Variants in OPN4 observed in about 807,000 individuals in gnomAD.
OPN4 encodes the protein opsin 4.
OPN4 carries 43 observed loss-of-function variants against 49.5 expected under a neutral mutation model. The ratio of observed to expected loss-of-function variants is 0.87; its 90% CI spans 0.68 to 1.12. The LOEUF is 1.12. OPN4 is among the 50% of genes most tolerant of loss of function. The probability of loss-of-function intolerance (pLI) is 0.00; values close to 1 mark genes in which losing one functional copy is unlikely to be tolerated. For missense variants in OPN4, 657 were observed against 643.9 expected (o/e 1.02, Z -0.22); for synonymous variants, 263 against 258.0 (o/e 1.02, Z -0.19).
At chr10:86,655,801 G>A (rs1255602500) in intron 1 of OPN4, among the ~76,000 whole-genome samples, 3 of 152,164 alleles carry the variant, frequency 2.0e-5, no homozygotes, top group African/African-American at 7.2e-5. Flanking sequence ...CTGCAGGCAG[G>A]GATGCACCCA....
In OPN4 at chr10:86,654,832, C is replaced by T. The variant is rs1438943945; in HGVS notation, c.49C>T (p.Pro17Ser). ...PRVPPSPTQE[P>S]SCMATPAPPS... ...AGTCCCGCCCAGCCCAACCCAAGAG[C>T]CCAGCTGCATGGCCACCCCAGCACC... Residue 17 changes from proline (P) to serine (S), a missense_variant, in exon 1 of 10, where the codon CCC becomes TCC. Transcript: ENST00000241891. The T allele has an allele frequency of 6.2e-7, 1 of 1,610,040 alleles. No individual in the cohort carries two copies. Among genetic ancestry groups the T allele is most frequent in the Non-Finnish European group, 8.5e-7 (1 of 1,176,566 alleles).
chr10:86,662,880 C>A (rs1254237226), intron 8 of OPN4, among the ~76,000 whole-genome samples: 1 of 152,240 alleles, frequency 6.6e-6, no homozygotes, highest in African/African-American at 2.4e-5. Context: ...GGGCATGGGC[C>A]CTGGAGATGG....
chr10:86,657,033 T>G (rs780174312), intron 2 of OPN4, among the ~76,000 whole-genome samples: 4 of 144,462 alleles, frequency 2.8e-5, no homozygotes, highest in Non-Finnish European at 6.1e-5. Context: ...CCAGTGTCCC[T>G]CTCCATCTGC....
At chr10:86,662,756 G>A (rs1342486263) in intron 8 of OPN4, among the ~76,000 whole-genome samples, 1 of 152,272 alleles carries the variant, frequency 6.6e-6, no homozygotes, top group African/African-American at 2.4e-5. Context: ...GAAGAGATCA[G>A]CACATCTGGC....
chr10:86,659,754 A>G, intron 5 of OPN4, 141 bp from the exon 6 acceptor site: 2 of 917,196 alleles, frequency 2.2e-6, no homozygotes, highest in South Asian at 3.4e-5. Flanking sequence ...TCTGGAAGTC[A>G]GGGCTGCCTG....
At chr10:86,657,070 C>G in intron 2 of OPN4, 1 of 656,348 alleles carries the variant, frequency 1.5e-6, no homozygotes, top group Non-Finnish European at 2.8e-6. Context: ...GTGGCTGAGA[C>G]AGGCAGGTGG....
At chr10:86,654,956 A>T (rs1162347861) in intron 1 of OPN4, 29 bp downstream of exon 1, 1 of 1,608,356 alleles carries the variant, frequency 6.2e-7, no homozygotes, top group Non-Finnish European at 8.5e-7. Context: ...GTGCATGCAC[A>T]GAGCCTTCCC....
In OPN4 at chr10:86,659,921, A is replaced by C. The variant is rs1305038658; in HGVS notation, c.827A>C (p.Lys276Thr). 6.2e-7 allele frequency: 1 copy of C among 1,614,186 alleles called. No homozygotes were observed. Among genetic ancestry groups the C allele is most frequent in the Admixed American group, 1.7e-5 (1 of 60,024 alleles). ...GCTCTCCAGACCTTCGGGGCCTGCA[A>C]GGGCAATGGCGAGTCCCTGTGGCAG... Reference protein sequence around the residue: ...GRALQTFGACKGNGESLWQRQ... With the variant: ...GRALQTFGACTGNGESLWQRQ... The change falls in exon 6 of 10, where the codon AAG (lysine) becomes ACG (threonine). Residue 276 changes from lysine (K) to threonine (T), a missense_variant. Transcript: ENST00000241891.
chr10:86,663,286 T>C (rs1844060173), intron 8 of OPN4, among the ~76,000 whole-genome samples: 1 of 152,212 alleles, frequency 6.6e-6, no homozygotes, highest in Non-Finnish European at 1.5e-5. Context: ...GTTGAGGGAC[T>C]GAGAGAGGAG....
intron 2 of OPN4, among the ~76,000 whole-genome samples, chr10:86,657,383 C>T (rs143001294): frequency 3.3e-5 from 5 of 152,214 alleles, no homozygotes; most frequent in Non-Finnish European, 5.9e-5. Flanking sequence ...TGACAGGAGC[C>T]GAGGCTGGTG....
Position 86,658,543 on chromosome 10 carries a change from ACGGCCAT to A in OPN4, c.487_493del (p.Ala163ProfsTer7). On this transcript the variant is annotated frameshift_variant, in exon 4 of 10. Coordinates refer to ENST00000241891, the MANE Select transcript of OPN4 (RefSeq NM_033282.4). LOFTEE classifies it high-confidence loss of function. Reference sequence around the variant, plus strand: ...TGGCATTTCCTCCATGATCACCCTGACGGCCATCGCCCTGGACCGCTACCTGGTAATC... The same window carrying A: ...TGGCATTTCCTCCATGATCACCCTGACGCCCTGGACCGCTACCTGGTAATC... 1 of 1,614,158 alleles carries A rather than the reference ACGGCCAT, an allele frequency of 6.2e-7. No homozygotes were observed. Among genetic ancestry groups the A allele is most frequent in the East Asian group, 2.2e-5 (1 of 44,874 alleles).
intron 2 of OPN4, among the ~76,000 whole-genome samples, chr10:86,657,619 C>G (rs562266488): frequency 6.6e-6 from 1 of 152,076 alleles, no homozygotes; most frequent in African/African-American, 2.4e-5. Flanking sequence ...TCTAGGGAGA[C>G]CTTGGCCTAG....
At position 86,655,013 on chromosome 10, in the gene OPN4, G is replaced by A. The variant is rs1425959279; in HGVS notation, c.144+86G>A. 6 of 1,404,784 alleles carry A rather than the reference G, an allele frequency of 4.3e-6. No homozygotes were observed. In the East Asian group the frequency reaches 9.3e-5, roughly 22 times the overall value. The allele number at this position is 1,404,784 out of a possible 1,614,324, so 87.0% of individuals were successfully genotyped here. On this transcript the variant is annotated intron_variant, in intron 1 of 9. Coordinates refer to ENST00000241891, the MANE Select transcript of OPN4 (RefSeq NM_033282.4). ...CTGGCCACACACAGGGGCTTTGACA[G>A]GGAGATAGAAAAGGTCTGAACTCTG... is the stretch of plus-strand genomic sequence containing the variant.
At chr10:86,659,214 G>A (rs1403183014) in intron 4 of OPN4, 83 bp from the exon 5 acceptor site, 24 of 1,124,006 alleles carry the variant, frequency 2.1e-5, no homozygotes, top group Non-Finnish European at 3.0e-5. Flanking sequence ...ATGGGGACCC[G>A]AATGCCACAT....
At position 86,665,761 on chromosome 10, in the gene OPN4, T is replaced by C. The variant is rs1211648522; in HGVS notation, c.*10T>C. The C allele has an allele frequency of 6.2e-7, 1 of 1,610,936 alleles. No individual in the cohort carries two copies. Among genetic ancestry groups the C allele is most frequent in the East Asian group, 2.2e-5 (1 of 44,860 alleles). On this transcript the variant is annotated 3_prime_UTR_variant, in exon 10 of 10. Coordinates refer to ENST00000241891, the MANE Select transcript of OPN4 (RefSeq NM_033282.4). The stretch of plus-strand genomic sequence containing the variant: ...GGACCCCAGGATGTAGGACGCCCAC[T>C]GGCTCTCCCTTTCTTCTGAGACACA...
rs780159170 is a variant in OPN4 at position 86,656,197 on chromosome 10, G to A, written c.187G>A (p.Val63Ile). 4 of 1,614,152 alleles carry A rather than the reference G, an allele frequency of 2.5e-6. No individual in the cohort carries two copies. ...TGCTGCCTGGGTCCCCCTCCCCACGGTTGATGTTCCAGACCATGCCCACTA... is the reference window on the plus strand; with the variant it reads ...TGCTGCCTGGGTCCCCCTCCCCACGATTGATGTTCCAGACCATGCCCACTA... ...WAAAWVPLPT[V>I]DVPDHAHYTL... is the part of the protein sequence containing the mutation. The change falls in exon 2 of 10, where the codon GTT (valine) becomes ATT (isoleucine). Residue 63 changes from valine to isoleucine, a missense_variant. By Grantham distance (29) the Val-to-Ile change is conservative. Transcript: ENST00000241891.
In OPN4 at chr10:86,659,998, ATCC is replaced by A; in HGVS notation, c.910_912del (p.Leu304del). ...GATGGCCAAGATCATGCTGCTGGTC[ATCC>A]TCCTCTTCGTGCTCTCCTGGGCTCC... On this transcript the variant is annotated inframe_deletion, in exon 6 of 10. Coordinates refer to ENST00000241891, the MANE Select transcript of OPN4 (RefSeq NM_033282.4). 1.9e-6 allele frequency: 3 copies of A among 1,614,196 alleles called. No individual in the cohort carries two copies. The highest frequency in any genetic ancestry group is 1.3e-5 in the African/African-American group (1 of 75,046).
In OPN4 at chr10:86,658,173, C is replaced by A; in HGVS notation, c.424+8C>A. 1 of 1,612,248 alleles carries A rather than the reference C, an allele frequency of 6.2e-7. No individual in the cohort carries two copies. Among genetic ancestry groups the A allele is most frequent in the Non-Finnish European group, 8.5e-7 (1 of 1,179,532 alleles). ...GGCTCTTTGGGGAGACAGGTAGATG[C>A]TGGGGCTCCCTTTTGCTGGAGGGAG... On this transcript the variant is annotated splice_region_variant and intron_variant, in intron 3 of 9. Transcript: ENST00000241891.
At position 86,663,762 on chromosome 10, in the gene OPN4, C is replaced by T. The variant is rs781318152; in HGVS notation, c.1358C>T (p.Pro453Leu). Residue 453 changes from proline to leucine, a missense_variant, in exon 9 of 10, where the codon CCC becomes CTC. By Grantham distance (98) the Pro-to-Leu change is moderately conservative. Transcript: ENST00000241891. Reference sequence around the variant, plus strand: ...CTGGAGGACTTGGAAGCCAAGGCACCCCCCAGACCCCAGGGACACGAAGCA... The same window carrying T: ...CTGGAGGACTTGGAAGCCAAGGCACTCCCCAGACCCCAGGGACACGAAGCA... ...QGLEDLEAKA[P>L]PRPQGHEAET... is the part of the protein sequence containing the mutation. 6 of 1,561,570 alleles carry T rather than the reference C, an allele frequency of 3.8e-6. No individual in the cohort carries two copies. Among genetic ancestry groups the T allele is most frequent in the South Asian group, 1.2e-5 (1 of 84,696 alleles).
Sources: allele counts gnomAD v4.1 joint callset (sites outside exome capture counted in the v4.1 genomes callset), GRCh38; gene constraint gnomAD v4.1.1; transcripts MANE v1.5; gene names NCBI Gene and HGNC (gene_info 2026-07-23, HGNC 2026-07-21).